HDAC9: variants seen among roughly 807,000 people sequenced by gnomAD.
HDAC9 encodes histone deacetylase 9.
Under a neutral mutation model 139.4 loss-of-function variants are expected in HDAC9, and 41 were observed. The ratio of observed to expected loss-of-function variants is 0.29; its 90% CI spans 0.23 to 0.38. The LOEUF (loss-of-function observed/expected upper bound fraction) is 0.38. Among genes scored for constraint, HDAC9 ranks in the 10% least tolerant of loss-of-function variants. HDAC9 has a pLI of 1.00. For synonymous variants in HDAC9, 517 were observed against 476.2 expected (o/e 1.09, Z -1.12); for missense variants, 1,147 against 1,297.0 (o/e 0.88, Z 1.78).
chr7:18,156,152 A>C (rs556300094), intron 1 of HDAC9, among the ~76,000 whole-genome samples: 1 of 152,180 alleles, frequency 6.6e-6, no homozygotes. Context: ...GATTGTTTTG[A>C]GGCCAACTTG....
intron 1 of HDAC9, among the ~76,000 whole-genome samples, chr7:18,143,812 T>C (rs1786092739): frequency 6.7e-6 from 1 of 149,126 alleles, no homozygotes; most frequent in South Asian, 2.1e-4. Context: ...AAAAAGAGTG[T>C]CTCTTTTTAT....
At chr7:18,665,343 G>A (rs1208873480) in intron 11 of HDAC9, among the ~76,000 whole-genome samples, 1 of 152,116 alleles carries the variant, frequency 6.6e-6, no homozygotes, top group Non-Finnish European at 1.5e-5. Flanking sequence ...CAAATGACCA[G>A]TGTGAGACAA....
At chr7:18,764,421 T>A (rs1789648866) in intron 15 of HDAC9, among the ~76,000 whole-genome samples, 1 of 152,166 alleles carries the variant, frequency 6.6e-6, no homozygotes, top group South Asian at 2.1e-4. Context: ...GATGTTGCAT[T>A]CTATCAGGCC....
intron 2 of HDAC9, among the ~76,000 whole-genome samples, chr7:18,206,677 AATAATAAGG>A (rs892118022): frequency 1.3e-5 from 2 of 152,196 alleles, no homozygotes; most frequent in Non-Finnish European, 2.9e-5. Context: ...ATCATAAAAA[AATAATAAGG>A]GTACACACAG....
At chr7:18,162,126 C>T (rs1257146038) in intron 1 of HDAC9, 7 of 572,514 alleles carry the variant, frequency 1.2e-5, no homozygotes, top group South Asian at 6.5e-5. Flanking sequence ...CACATGGTCG[C>T]GCTGTGGCTG....
rs776751388 is a variant in HDAC9, at chr7:18,836,095, G to T, written c.2684+98G>T. The stretch of plus-strand genomic sequence containing the variant: ...AGAGAAATGTAAATGTCTAATTAAG[G>T]TAAATTATCGCTCAAAGCCACATAA... On this transcript the variant is annotated intron_variant, in intron 21 of 25. Coordinates refer to ENST00000686413, the MANE Select transcript of HDAC9 (RefSeq NM_178425.4). The T allele has an allele frequency of 6.2e-6, 4 of 644,768 alleles. No homozygotes were observed. In the Admixed American group the frequency reaches 1.2e-4, roughly 19 times the overall value. The allele number at this position is 644,768 out of a possible 1,614,324, so 39.9% of individuals were successfully genotyped here.
intron 1 of HDAC9, among the ~76,000 whole-genome samples, chr7:18,331,927 G>T (rs951962058): frequency 6.6e-6 from 1 of 151,534 alleles, no homozygotes; most frequent in Non-Finnish European, 1.5e-5. Flanking sequence ...GATCACATGT[G>T]CGGAGCCTCT....
intron 2 of HDAC9, among the ~76,000 whole-genome samples, chr7:18,565,499 G>A (rs536969496): frequency 6.6e-6 from 1 of 152,170 alleles, no homozygotes; most frequent in South Asian, 2.1e-4. Context: ...ATTGTTAGTT[G>A]GGCCAGCATA....
chr7:18,207,043 C>G (rs1584632656), intron 2 of HDAC9, among the ~76,000 whole-genome samples: 1 of 150,174 alleles, frequency 6.7e-6, no homozygotes, highest in African/African-American at 2.5e-5. Flanking sequence ...TCAAGTGATT[C>G]TCCAGCCCCA....
rs564876054 is a variant in HDAC9 at position 18,752,346 on chromosome 7, A to G, written c.2043+3208A>G. Among the ~76,000 whole-genome samples, 31 of 152,224 alleles carry G rather than the reference A, an allele frequency of 2.0e-4. No homozygotes were observed. The South Asian group carries it at 6.4e-3, about 32-fold the overall frequency. On this transcript the variant is annotated intron_variant, in intron 14 of 25. Transcript: ENST00000686413. ...TAAAGGAATCAAAGATAATGACAGTATCTGCCCACTGAAGTTCACTTATTC... is the reference window on the plus strand; with the variant it reads ...TAAAGGAATCAAAGATAATGACAGTGTCTGCCCACTGAAGTTCACTTATTC...
At chr7:18,832,742 T>TAG (rs1795946413) in intron 19 of HDAC9, among the ~76,000 whole-genome samples, 1 of 151,924 alleles carries the variant, frequency 6.6e-6, no homozygotes. Context: ...TATATATATT[T>TAG]TTTTTTTCTT....
At chr7:18,226,456 C>A (rs562915727) in intron 2 of HDAC9, among the ~76,000 whole-genome samples, 2 of 152,086 alleles carry the variant, frequency 1.3e-5, no homozygotes, top group Admixed American at 1.3e-4. Context: ...ATACATTGCC[C>A]TTTTTAAATC....
intron 15 of HDAC9, among the ~76,000 whole-genome samples, chr7:18,763,465 TTGA>T (rs1388316158): frequency 1.3e-5 from 2 of 152,126 alleles, no homozygotes; most frequent in Admixed American, 6.6e-5. Context: ...TTGCTAATAT[TTGA>T]TGATAAAAAA....
At chr7:18,328,378 G>A (rs1264694908) in intron 1 of HDAC9, among the ~76,000 whole-genome samples, 1 of 151,850 alleles carries the variant, frequency 6.6e-6, no homozygotes, top group Admixed American at 6.6e-5. Context: ...GTGCTCTTAT[G>A]CAGGGACAGG....
chr7:18,852,353 C>T (rs1797363666), intron 21 of HDAC9, among the ~76,000 whole-genome samples: 1 of 152,202 alleles, frequency 6.6e-6, no homozygotes, highest in African/African-American at 2.4e-5. Flanking sequence ...GTCCTCCTGG[C>T]ATGTCCAGGA....
chr7:18,860,120 T>C (rs1432672827), intron 21 of HDAC9, among the ~76,000 whole-genome samples: 3 of 151,748 alleles, frequency 2.0e-5, no homozygotes, highest in Non-Finnish European at 4.4e-5. Context: ...GATGGTAGTA[T>C]AATCTCTTTA....
At chr7:18,687,776 AT>A (rs1420000974) in intron 12 of HDAC9, among the ~76,000 whole-genome samples, 1 of 151,870 alleles carries the variant, frequency 6.6e-6, no homozygotes, top group African/African-American at 2.4e-5. Context: ...GCAGGGATTC[AT>A]GACTAGTTAG....
At chr7:18,397,388 C>T (rs1433981151) in intron 1 of HDAC9, among the ~76,000 whole-genome samples, 1 of 152,064 alleles carries the variant, frequency 6.6e-6, no homozygotes, top group Admixed American at 6.6e-5. Flanking sequence ...AAACATGTCA[C>T]AAAATCTTGA....
chr7:18,847,268 C>G (rs1796971425), intron 21 of HDAC9, among the ~76,000 whole-genome samples: 1 of 152,192 alleles, frequency 6.6e-6, no homozygotes, highest in Admixed American at 6.5e-5. Context: ...CACATACATT[C>G]CTTACAACAC....
Sources: allele counts gnomAD v4.1 joint callset (sites outside exome capture counted in the v4.1 genomes callset), GRCh38; gene constraint gnomAD v4.1.1; transcripts MANE v1.5; gene names NCBI Gene and HGNC (gene_info 2026-07-23, HGNC 2026-07-21).